The following PTPN2 variants were observed in gnomAD, a reference collection of about 807,000 sequenced individuals.
PTPN2 encodes the protein tyrosine-protein phosphatase non-receptor type 2.
Under a neutral mutation model 57.3 loss-of-function variants are expected in PTPN2, and 19 were observed. The ratio of observed to expected loss-of-function variants is 0.33; its 90% CI spans 0.23 to 0.49. PTPN2 has a LOEUF of 0.49. Ranked by LOEUF, PTPN2 falls within the 20% of genes least tolerant of loss-of-function variation. The pLI, the probability that PTPN2 is intolerant of heterozygous loss-of-function variation, is 0.99. For missense variants in PTPN2, 358 were observed against 501.1 expected (o/e 0.71, Z 2.73); for synonymous variants, 153 against 164.9 (o/e 0.93, Z 0.55).
chr18:12,808,115 G>A (rs572965482), intron 7 of PTPN2, among the ~76,000 whole-genome samples: 132 of 152,140 alleles, frequency 8.7e-4, no homozygotes, highest in Non-Finnish European at 1.5e-3. Context: ...CCCAGGAGGC[G>A]GAGGCTACAG....
intron 9 of PTPN2, chr18:12,786,704 T>C (rs1284137079): frequency 1.3e-5 from 2 of 152,170 alleles, no homozygotes; most frequent in Non-Finnish European, 2.9e-5. Flanking sequence ...TATTAAGAAA[T>C]AGGAAATACA....
chr18:12,861,502 T>G (rs569500875), intron 1 of PTPN2, among the ~76,000 whole-genome samples: 1 of 152,220 alleles, frequency 6.6e-6, no homozygotes, highest in African/African-American at 2.4e-5. Context: ...GGAAGGCAAG[T>G]TGTCCCCTAT....
At chr18:12,828,893 C>T (rs1255341336) in intron 4 of PTPN2, among the ~76,000 whole-genome samples, 4 of 152,046 alleles carry the variant, frequency 2.6e-5, no homozygotes. Context: ...TCATTACAGA[C>T]AGCAAAAAAA....
intron 6 of PTPN2, 33 bp downstream of exon 6, chr18:12,817,123 T>A (rs375192272): frequency 1.8e-5 from 28 of 1,550,510 alleles, no homozygotes; most frequent in Admixed American, 7.8e-5. Flanking sequence ...AAAAAATCAA[T>A]GAGATTAAAA....
chr18:12,859,670 T>G (rs558835374), intron 1 of PTPN2, among the ~76,000 whole-genome samples: 1 of 152,354 alleles, frequency 6.6e-6, no homozygotes, highest in African/African-American at 2.4e-5. Flanking sequence ...CCACATCATA[T>G]TCAAATTCTG....
At chr18:12,809,302 T>C (rs574877669) in intron 7 of PTPN2, among the ~76,000 whole-genome samples, 2 of 152,318 alleles carry the variant, frequency 1.3e-5, no homozygotes, top group Admixed American at 6.5e-5. Context: ...CTAGAAAATA[T>C]GTTTCCTGTG....
At position 12,814,443 on chromosome 18, in the gene PTPN2, A is replaced by G; in HGVS notation, c.706-88T>C. ...CAAGATCATTGCTAAGATTTTTGCT[A>G]TGCATTTTCTCCTCTGAAAGAACAA... On this transcript the variant is annotated intron_variant, in intron 6 of 8. Coordinates refer to ENST00000309660, the MANE Select transcript of PTPN2 (RefSeq NM_002828.4). The G allele has an allele frequency of 3.5e-6, 4 of 1,145,322 alleles. No individual in the cohort carries two copies. The South Asian group carries it at 6.4e-5, about 18-fold the overall frequency. 70.9% of individuals were successfully genotyped at this position (1,145,322 alleles called of 1,614,324 possible). A position where few individuals can be genotyped will look rare whatever the true frequency, so the allele number is the denominator to read the frequency against.
In PTPN2 at chr18:12,807,600, T is replaced by TAC. The variant is rs1486671576; in HGVS notation, c.859-5450_859-5449insGT. Among the ~76,000 whole-genome samples the TAC allele has an allele frequency of 2.1e-4, 18 of 85,216 alleles. 1 individual carries two copies. The East Asian group carries it at 2.6e-3, about 12-fold the overall frequency. 55.9% of individuals were successfully genotyped at this position (85,216 alleles called of 152,430 possible). On this transcript the variant is annotated intron_variant, in intron 7 of 8. Coordinates refer to ENST00000309660, the MANE Select transcript of PTPN2 (RefSeq NM_002828.4). Reference sequence around the variant, plus strand: ...AAAAAAAAAAAAATATATATATATATATATAATATAATACTATTTGGCCAT... The same window carrying TAC: ...AAAAAAAAAAAAATATATATATATATACATATAATATAATACTATTTGGCCAT...
At chr18:12,800,826 A>G (rs1436303853) in intron 8 of PTPN2, among the ~76,000 whole-genome samples, 2 of 152,232 alleles carry the variant, frequency 1.3e-5, no homozygotes, top group East Asian at 3.8e-4. Flanking sequence ...TCACTTTGCT[A>G]TGTGACTTAT....
chr18:12,873,656 C>T (rs947163230), intron 1 of PTPN2, among the ~76,000 whole-genome samples: 10 of 152,332 alleles, frequency 6.6e-5, no homozygotes, highest in East Asian at 1.9e-4. Context: ...ACCTCCCAGC[C>T]GCCTGCCTTG....
downstream of PTPN2, among the ~76,000 whole-genome samples, chr18:12,791,784 A>T (rs2040988361): frequency 6.6e-6 from 1 of 152,148 alleles, no homozygotes; most frequent in Non-Finnish European, 1.5e-5. Context: ...GAAGGACAGA[A>T]AGCATACAGA....
intron 2 of PTPN2, among the ~76,000 whole-genome samples, chr18:12,843,716 C>T (rs1003640613): frequency 6.6e-6 from 1 of 152,218 alleles, no homozygotes; most frequent in Middle Eastern, 3.2e-3. Flanking sequence ...ACCACAGAGC[C>T]CCACTCCTAG....
chr18:12,805,101 A>G (rs190409138), intron 7 of PTPN2, among the ~76,000 whole-genome samples: 375 of 152,330 alleles, frequency 2.5e-3, no homozygotes, highest in African/African-American at 8.1e-3. Flanking sequence ...TCAAAAATCA[A>G]CAGAATCAAG....
At chr18:12,811,591 G>A (rs1041326279) in intron 7 of PTPN2, among the ~76,000 whole-genome samples, 3 of 151,992 alleles carry the variant, frequency 2.0e-5, no homozygotes, top group South Asian at 2.1e-4. Flanking sequence ...GGCTATGTTC[G>A]ACAGACTCAT....
chr18:12,854,069 A>T (rs1471923766), intron 2 of PTPN2, among the ~76,000 whole-genome samples: 1 of 152,140 alleles, frequency 6.6e-6, no homozygotes, highest in Non-Finnish European at 1.5e-5. Flanking sequence ...TTTGAAATAC[A>T]TTACGGAGGC....
intron 4 of PTPN2, 116 bp downstream of exon 4, chr18:12,830,827 G>A: frequency 1.4e-6 from 1 of 693,452 alleles, no homozygotes; most frequent in South Asian, 2.0e-5. Flanking sequence ...TTGACCGCTA[G>A]CCTTTAGCAA....
downstream of PTPN2, among the ~76,000 whole-genome samples, chr18:12,789,437 T>C (rs1470982142): frequency 6.6e-6 from 1 of 152,242 alleles, no homozygotes; most frequent in Non-Finnish European, 1.5e-5. Flanking sequence ...TCTAGGCCTC[T>C]ACCATGTAAA....
At position 12,793,517 on chromosome 18, in the gene PTPN2, A is replaced by G. The variant is rs2041046855; in HGVS notation, c.*761T>C. Reference sequence around the variant, plus strand: ...CAGTAAGGAGAATTTTCCTTCAAAGATATTTTTAGGAAAAACTTTTGTTTC... The same window carrying G: ...CAGTAAGGAGAATTTTCCTTCAAAGGTATTTTTAGGAAAAACTTTTGTTTC... On this transcript the variant is annotated 3_prime_UTR_variant, in exon 9 of 9. Transcript: ENST00000309660. 2 of 980,562 alleles carry G rather than the reference A, an allele frequency of 2.0e-6. No individual in the cohort carries two copies. Among genetic ancestry groups the G allele is most frequent in the Middle Eastern group, 5.2e-4 (1 of 1,906 alleles). 60.7% of individuals were successfully genotyped at this position (980,562 alleles called of 1,614,324 possible). A position where few individuals can be genotyped will look rare whatever the true frequency, so the allele number is the denominator to read the frequency against.
At chr18:12,825,133 TA>T (rs1568116816) in intron 5 of PTPN2, among the ~76,000 whole-genome samples, 1 of 152,132 alleles carries the variant, frequency 6.6e-6, no homozygotes, top group Non-Finnish European at 1.5e-5. Context: ...AACACCCAAG[TA>T]AATGTTCTTG....
Sources: allele counts gnomAD v4.1 joint callset (sites outside exome capture counted in the v4.1 genomes callset), GRCh38; gene constraint gnomAD v4.1.1; transcripts MANE v1.5; gene names NCBI Gene and HGNC (gene_info 2026-07-23, HGNC 2026-07-21).